NME8: variants seen among roughly 807,000 people sequenced by gnomAD.
The protein encoded by NME8 is protein NME8.
NME8 carries 72 observed loss-of-function variants against 82.3 expected under a neutral mutation model. The ratio of observed to expected loss-of-function variants is 0.87; its 90% CI spans 0.72 to 1.06. NME8 has a LOEUF of 1.06. Ranked by LOEUF, NME8 falls within the 50% of genes least tolerant of loss-of-function variation. The probability of loss-of-function intolerance (pLI) is 0.00; values close to 1 mark genes in which losing one functional copy is unlikely to be tolerated. For synonymous variants in NME8, 267 were observed against 228.5 expected (o/e 1.17, Z -1.52); for missense variants, 712 against 685.4 (o/e 1.04, Z -0.43).
At chr7:37,877,134 A>G (rs950737869) in intron 12 of NME8, 127 bp downstream of exon 12, 3 of 746,156 alleles carry the variant, frequency 4.0e-6, no homozygotes, top group Non-Finnish European at 6.8e-6. Context: ...TTAAGAAATT[A>G]ATGTATTAAC....
intron 11 of NME8, among the ~76,000 whole-genome samples, chr7:37,870,519 G>A (rs181261569): frequency 6.5e-4 from 98 of 150,752 alleles, no homozygotes; most frequent in Middle Eastern, 3.4e-3. Flanking sequence ...AACCTGGGAG[G>A]TAGAGATTGC....
At chr7:37,855,639 A>G (rs1374256108) in intron 5 of NME8, among the ~76,000 whole-genome samples, 1 of 152,222 alleles carries the variant, frequency 6.6e-6, no homozygotes, top group Non-Finnish European at 1.5e-5. Flanking sequence ...GGTCAGCAGC[A>G]GCTGCTTCTC....
chr7:37,860,953 T>C (rs913130564), intron 6 of NME8, among the ~76,000 whole-genome samples: 5 of 152,222 alleles, frequency 3.3e-5, no homozygotes, highest in African/African-American at 1.2e-4. Flanking sequence ...CTTGGACCTG[T>C]AAATTTTACT....
chr7:37,882,579 GAAAGAAAGAA>G (rs1784967946), intron 12 of NME8, among the ~76,000 whole-genome samples: 3 of 47,318 alleles, frequency 6.3e-5, no homozygotes, highest in African/African-American at 2.5e-4. Context: ...AAGAAAGAAA[GAAAGAAAGAA>G]AGAAAGAAAG....
chr7:37,886,765 G>A lies in NME8; in HGVS notation c.1248-1512G>A, dbSNP rs575087570. The stretch of plus-strand genomic sequence containing the variant: ...ATCATTGTCCAAATCCCTAACCCCT[G>A]GCAATCACAGAGTCCAAGGGACTAG... On this transcript the variant is annotated intron_variant, in intron 14 of 17. Transcript: ENST00000199447. 2.6e-5 allele frequency among the ~76,000 whole-genome samples: 4 copies of A among 152,126 alleles called. No homozygotes were observed. The South Asian group carries it at 6.2e-4, about 24-fold the overall frequency.
At chr7:37,890,051 T>C (rs1438486547) in intron 15 of NME8, among the ~76,000 whole-genome samples, 1 of 152,080 alleles carries the variant, frequency 6.6e-6, no homozygotes, top group African/African-American at 2.4e-5. Context: ...TTCTTATTTG[T>C]CTCATTTAAT....
intron 5 of NME8, among the ~76,000 whole-genome samples, chr7:37,855,936 T>C (rs1784505461): frequency 1.3e-5 from 2 of 150,620 alleles, no homozygotes; most frequent in Non-Finnish European, 3.0e-5. Context: ...TGAACTTCCT[T>C]TAAAAAAAAA....
intron 2 of NME8, among the ~76,000 whole-genome samples, chr7:37,849,868 TC>T (rs368349554): frequency 0.017 from 1,946 of 111,324 alleles, 51 homozygotes; most frequent in African/African-American, 0.052. Context: ...AGACTATGTC[TC>T]AAAAAAAAAA....
Position 37,850,643 on chromosome 7 carries a change from C to T in NME8, c.106C>T (p.Gln36Ter). Reference sequence around the variant, plus strand: ...TCATCTTCTAGTGATTGATGTTTACCAAGCCTGGTGTGGACCTTGCAGAGC... The same window carrying T: ...TCATCTTCTAGTGATTGATGTTTACTAAGCCTGGTGTGGACCTTGCAGAGC... ...NKGLTVIDVY[Q>*]AWCGPCRAMQ... The change falls in exon 5 of 18, where the codon CAA becomes TAA. Residue 36 changes from glutamine to a stop codon, truncating the protein, a stop_gained. Transcript: ENST00000199447. LOFTEE classifies it high-confidence loss of function. 6.2e-7 allele frequency: 1 copy of T among 1,610,248 alleles called. No individual in the cohort carries two copies. The highest frequency in any genetic ancestry group is 8.5e-7 in the Non-Finnish European group (1 of 1,176,512).
In NME8 at chr7:37,850,833, G is replaced by C. The variant is rs146109508; in HGVS notation, c.198+98G>C. On this transcript the variant is annotated intron_variant, in intron 5 of 17. Transcript: ENST00000199447. The stretch of plus-strand genomic sequence containing the variant: ...AGTATTGTCTTAATTTAAACAACCT[G>C]TCAGTTCTTCAAAATAGATAGTCTT... 8.8e-6 allele frequency: 7 copies of C among 798,360 alleles called. No homozygotes were observed. The East Asian group carries it at 1.0e-4, about 12-fold the overall frequency. The allele number at this position is 798,360 out of a possible 1,614,324, so 49.5% of individuals were successfully genotyped here. A position where few individuals can be genotyped will look rare whatever the true frequency, so the allele number is the denominator to read the frequency against.
chr7:37,850,639 T>C lies in NME8; in HGVS notation c.102T>C (p.Val34=), dbSNP rs1784425698. ...ATCATCATCTTCTAGTGATTGATGT[T>C]TACCAAGCCTGGTGTGGACCTTGCA... ...LQNKGLTVID[V]YQAWCGPCRA... is the part of the protein sequence containing the mutation. The change falls in exon 5 of 18, where the codon GTT becomes GTC. Residue 34 remains valine (V), a synonymous_variant. Coordinates refer to ENST00000199447, the MANE Select transcript of NME8 (RefSeq NM_016616.5). 9 of 1,610,228 alleles carry C rather than the reference T, an allele frequency of 5.6e-6. No homozygotes were observed. The highest frequency in any genetic ancestry group is 6.0e-6 in the Non-Finnish European group (7 of 1,176,434).
At chr7:37,898,489 C>T (rs1281929294) in intron 17 of NME8, among the ~76,000 whole-genome samples, 1 of 152,056 alleles carries the variant, frequency 6.6e-6, no homozygotes, top group African/African-American at 2.4e-5. Context: ...ATTAACAAAA[C>T]AATGAATAAA....
intron 2 of NME8, among the ~76,000 whole-genome samples, chr7:37,849,886 A>C (rs2598045): frequency 0.27 from 39,994 of 150,190 alleles, 5,564 homozygotes; most frequent in African/African-American, 0.34. Flanking sequence ...AAAAAAAAAA[A>C]AAAAGAACAA....
chr7:37,886,135 A>G (rs917568309), intron 14 of NME8, among the ~76,000 whole-genome samples: 3 of 152,182 alleles, frequency 2.0e-5, no homozygotes, highest in Non-Finnish European at 2.9e-5. Context: ...GCCCTACTCA[A>G]TTATGTCTTT....
intron 12 of NME8, among the ~76,000 whole-genome samples, chr7:37,877,484 G>C (rs1784873745): frequency 6.6e-6 from 1 of 152,102 alleles, no homozygotes; most frequent in African/African-American, 2.4e-5. Flanking sequence ...GGCAGAACAA[G>C]AACACAAGTC....
At chr7:37,878,697 G>T (rs1784895858) in intron 12 of NME8, among the ~76,000 whole-genome samples, 2 of 152,096 alleles carry the variant, frequency 1.3e-5, no homozygotes, top group South Asian at 4.1e-4. Context: ...TTACAGAACA[G>T]TTTTAGATTT....
At chr7:37,856,082 G>A (rs951190346) in intron 5 of NME8, among the ~76,000 whole-genome samples, 1 of 152,266 alleles carries the variant, frequency 6.6e-6, no homozygotes, top group East Asian at 1.9e-4. Flanking sequence ...CTTTTTAGCA[G>A]CACTTGCAAC....
chr7:37,853,323 G>A (rs1217978764), intron 5 of NME8, among the ~76,000 whole-genome samples: 2 of 152,032 alleles, frequency 1.3e-5, no homozygotes. Context: ...ACGAGATTCT[G>A]TAACAACCTG....
intron 11 of NME8, among the ~76,000 whole-genome samples, chr7:37,876,386 C>A (rs55910209): frequency 0.021 from 3,218 of 151,282 alleles, 105 homozygotes; most frequent in East Asian, 0.12. Flanking sequence ...ATATATTTTT[C>A]TGATTATAAT....
Sources: gnomAD v4.1 joint callset for allele counts (sites outside exome capture counted in the v4.1 genomes callset) on GRCh38, gnomAD v4.1.1 for gene constraint, MANE v1.5 for transcripts, NCBI Gene and HGNC (gene_info 2026-07-23, HGNC 2026-07-21) for gene names.